Variants in MAN1A2 observed in about 807,000 individuals in gnomAD.
MAN1A2 encodes mannosidase alpha class 1A member 2.
In MAN1A2, 26 loss-of-function variants were observed where a neutral mutation model predicts 75.7. The ratio of observed to expected loss-of-function variants is 0.34; its 90% CI spans 0.25 to 0.48. The LOEUF (loss-of-function observed/expected upper bound fraction) is 0.48. MAN1A2 is among the 20% of genes least tolerant of loss of function. MAN1A2 has a pLI of 0.99. For synonymous variants in MAN1A2, 247 were observed against 264.6 expected (o/e 0.93, Z 0.65); for missense variants, 562 against 775.5 (o/e 0.72, Z 3.27).
rs1479203880 is a variant in MAN1A2 at position 117,484,751 on chromosome 1, G to A, written c.1169-8396G>A. Among the ~76,000 whole-genome samples, 3 of 152,006 alleles carry A rather than the reference G, an allele frequency of 2.0e-5. No individual in the cohort carries two copies. The East Asian group carries it at 5.8e-4, about 29-fold the overall frequency. ...CTTGACTATCAATGGCACCATGTAT[G>A]TCTGTGTATATGTAAGTTTTAATAC... On this transcript the variant is annotated intron_variant, in intron 8 of 12. Transcript: ENST00000356554.
intron 12 of MAN1A2, among the ~76,000 whole-genome samples, chr1:117,517,577 T>G: frequency 6.6e-6 from 1 of 152,036 alleles, no homozygotes; most frequent in East Asian, 1.9e-4. Flanking sequence ...GCAATGAAAC[T>G]ATCCAAAATG....
At position 117,526,880 on chromosome 1, in the gene MAN1A2, C is replaced by CTCTCTCTCTCTCTCTCTCTATA; in HGVS notation, c.*3924_*3925insCTCTCTCTCTCTCTCTCTATAT. The stretch of plus-strand genomic sequence containing the variant: ...TCTCTCTCTCTCTCTCTCTCTCTCT[C>CTCTCTCTCTCTCTCTCTCTATA]TATATATATATATATATATATATAT... On this transcript the variant is annotated 3_prime_UTR_variant, in exon 13 of 13. Coordinates refer to ENST00000356554, the MANE Select transcript of MAN1A2 (RefSeq NM_006699.5). The CTCTCTCTCTCTCTCTCTCTATA allele has an allele frequency of 7.3e-5, 4 of 54,518 alleles. No homozygotes were observed. The highest frequency in any genetic ancestry group is 1.6e-4 in the African/African-American group (2 of 12,286). 3.4% of individuals were successfully genotyped at this position (54,518 alleles called of 1,614,324 possible).
At chr1:117,509,041 C>T (rs1161757120) in intron 12 of MAN1A2, among the ~76,000 whole-genome samples, 1 of 149,916 alleles carries the variant, frequency 6.7e-6, no homozygotes, top group Non-Finnish European at 1.5e-5. Flanking sequence ...TTTTTTCAAC[C>T]CTAGGGATGA....
chr1:117,486,107 A>G lies in MAN1A2; in HGVS notation c.1169-7040A>G, dbSNP rs547509008. 1.4e-4 allele frequency among the ~76,000 whole-genome samples: 22 copies of G among 152,196 alleles called. No homozygotes were observed. The South Asian group carries it at 3.9e-3, about 27-fold the overall frequency. ...ATACAGAAATGCAAATAAATGATAC[A>G]TAGTTACATATAACAACATGGTTGA... On this transcript the variant is annotated intron_variant, in intron 8 of 12. Transcript: ENST00000356554.
At chr1:117,520,118 A>G (rs1334038362) in intron 12 of MAN1A2, among the ~76,000 whole-genome samples, 1 of 152,126 alleles carries the variant, frequency 6.6e-6, no homozygotes, top group Non-Finnish European at 1.5e-5. Context: ...GGCAAAATCC[A>G]GCATCCGTTT....
chr1:117,382,930 A>G (rs1322731137), intron 1 of MAN1A2, among the ~76,000 whole-genome samples: 1 of 152,182 alleles, frequency 6.6e-6, no homozygotes, highest in African/African-American at 2.4e-5. Context: ...TAATCATTTT[A>G]TGAGTTCATT....
chr1:117,448,828 G>C (rs776599049), intron 6 of MAN1A2, among the ~76,000 whole-genome samples: 1 of 152,086 alleles, frequency 6.6e-6, no homozygotes, highest in Non-Finnish European at 1.5e-5. Flanking sequence ...TTGTTTTATT[G>C]TGCTTCACTT....
chr1:117,498,862 A>AT (rs1461047502), intron 10 of MAN1A2, among the ~76,000 whole-genome samples: 3 of 151,670 alleles, frequency 2.0e-5, no homozygotes, highest in Non-Finnish European at 2.9e-5. Flanking sequence ...ATATCCATTC[A>AT]TTTTTCCTTA....
At chr1:117,504,906 C>T (rs1651303662) in intron 12 of MAN1A2, among the ~76,000 whole-genome samples, 1 of 151,424 alleles carries the variant, frequency 6.6e-6, no homozygotes, top group Non-Finnish European at 1.5e-5. Flanking sequence ...GTGTTCTTAT[C>T]ATTGCATCCC....
chr1:117,495,066 A>T (rs1203933584), intron 9 of MAN1A2: 2 of 151,754 alleles, frequency 1.3e-5, no homozygotes, highest in Admixed American at 6.6e-5. Context: ...AAAGGAAAAA[A>T]ATTGTATTTG....
Position 117,460,632 on chromosome 1 carries a change from A to C in MAN1A2, c.1074+20A>C. 1 of 1,590,506 alleles carries C rather than the reference A, an allele frequency of 6.3e-7. No individual in the cohort carries two copies. Among genetic ancestry groups the C allele is most frequent in the Non-Finnish European group, 8.5e-7 (1 of 1,171,440 alleles). On this transcript the variant is annotated intron_variant, in intron 7 of 12. Coordinates refer to ENST00000356554, the MANE Select transcript of MAN1A2 (RefSeq NM_006699.5). ...AAAAAGGTTTGTTTTCTTGCCTTCT[A>C]TTCTTTGTTTGTTATAAAGAGTCCT... is the stretch of plus-strand genomic sequence containing the variant.
intron 8 of MAN1A2, among the ~76,000 whole-genome samples, chr1:117,473,447 T>A (rs183641485): frequency 5.3e-5 from 8 of 152,068 alleles, no homozygotes; most frequent in African/African-American, 1.9e-4. Flanking sequence ...CAGGAGCCAG[T>A]AATTTTTTAC....
intron 7 of MAN1A2, among the ~76,000 whole-genome samples, chr1:117,463,212 A>T (rs1222071664): frequency 6.6e-6 from 1 of 152,016 alleles, no homozygotes. Flanking sequence ...ATGTAACTTC[A>T]TGTCATATTT....
chr1:117,387,439 G>A (rs2101734683), intron 1 of MAN1A2, among the ~76,000 whole-genome samples: 1 of 152,290 alleles, frequency 6.6e-6, no homozygotes, highest in Non-Finnish European at 1.5e-5. Context: ...ATTGGGTGGT[G>A]CTGACAGTAT....
chr1:117,519,789 G>T (rs188191791), intron 12 of MAN1A2, among the ~76,000 whole-genome samples: 1 of 151,742 alleles, frequency 6.6e-6, no homozygotes, highest in South Asian at 2.1e-4. Flanking sequence ...ACACTATTCC[G>T]CAAGACAGAG....
intron 11 of MAN1A2, 74 bp downstream of exon 11, chr1:117,499,628 C>T (rs1651137934): frequency 1.7e-6 from 2 of 1,161,288 alleles, no homozygotes; most frequent in African/African-American, 1.6e-5. Context: ...CATACCCTCA[C>T]CCATGTTACC....
chr1:117,451,286 C>G (rs1454097511), intron 6 of MAN1A2, among the ~76,000 whole-genome samples: 2 of 152,154 alleles, frequency 1.3e-5, no homozygotes, highest in African/African-American at 4.8e-5. Context: ...CCAATTTATC[C>G]CATTTGGAAT....
At chr1:117,507,701 T>C (rs1051662304) in intron 12 of MAN1A2, among the ~76,000 whole-genome samples, 1 of 151,652 alleles carries the variant, frequency 6.6e-6, no homozygotes, top group African/African-American at 2.4e-5. Flanking sequence ...GGAGGAGTCA[T>C]GTAAGAAAGA....
chr1:117,383,932 C>T (rs897960649), intron 1 of MAN1A2, among the ~76,000 whole-genome samples: 2 of 152,022 alleles, frequency 1.3e-5, no homozygotes, highest in African/African-American at 2.4e-5. Flanking sequence ...CCATAAGATT[C>T]TCTTTTAATC....
Sources: allele counts gnomAD v4.1 joint callset (sites outside exome capture counted in the v4.1 genomes callset), GRCh38; gene constraint gnomAD v4.1.1; transcripts MANE v1.5; gene names NCBI Gene and HGNC (gene_info 2026-07-23, HGNC 2026-07-21).